The following PBRM1 variants were observed in gnomAD, a reference collection of about 807,000 sequenced individuals.
PBRM1 encodes the protein protein polybromo-1.
In PBRM1, 27 loss-of-function variants were observed where a neutral mutation model predicts 194.5. That is an observed-to-expected ratio of 0.14 (90% CI 0.10 to 0.19). The LOEUF (loss-of-function observed/expected upper bound fraction) is 0.19, where lower values mean the gene tolerates loss of function less well. Among genes scored for constraint, PBRM1 ranks in the 10% least tolerant of loss-of-function variants. The pLI, the probability that PBRM1 is intolerant of heterozygous loss-of-function variation, is 1.00. For missense variants in PBRM1, 1,466 were observed against 2,077.2 expected, an observed-to-expected ratio of 0.71 and a Z score of 5.72; for synonymous variants, 655 against 693.2, an observed-to-expected ratio of 0.94 and a Z score of 0.87.
intron 3 of PBRM1, among the ~76,000 whole-genome samples, 188 bp from the exon 5 acceptor site, chr3:52,662,464 A>C (rs1386267742): frequency 6.6e-6 from 1 of 152,214 alleles, no homozygotes; most frequent in Non-Finnish European, 1.5e-5. Context: ...AGACATTCTG[A>C]AATCAAATTA....
At chr3:52,578,884 A>G in intron 21 of PBRM1, 170 bp downstream of exon 23, 1 of 703,392 alleles carries the variant, frequency 1.4e-6, no homozygotes, top group South Asian at 1.5e-5. Flanking sequence ...AAAAGAGCCC[A>G]AAGGGATAAT....
At chr3:52,561,678 G>A in intron 25 of PBRM1, 89 bp downstream of exon 27, 2 of 1,130,496 alleles carry the variant, frequency 1.8e-6, no homozygotes, top group South Asian at 2.5e-5. Flanking sequence ...TGTGCAAGTG[G>A]TAAGAACAAG....
intron 15 of PBRM1, among the ~76,000 whole-genome samples, chr3:52,612,733 G>T (rs1464311569): frequency 6.6e-6 from 1 of 151,990 alleles, no homozygotes; most frequent in Non-Finnish European, 1.5e-5. Flanking sequence ...GTGAAGCCCT[G>T]TCTCTATTAA....
upstream of PBRM1, among the ~76,000 whole-genome samples, chr3:52,680,549 G>T (rs1025161992): frequency 6.6e-6 from 1 of 152,170 alleles, no homozygotes; most frequent in Non-Finnish European, 1.5e-5. Context: ...ACCACTGAAT[G>T]ATCTGCTACA....
chr3:52,577,835 T>C (rs555760015), intron 21 of PBRM1, among the ~76,000 whole-genome samples: 2 of 152,292 alleles, frequency 1.3e-5, no homozygotes, highest in African/African-American at 2.4e-5. Flanking sequence ...CAACAACCAA[T>C]AGGCAGAGCA....
At chr3:52,664,289 A>C (rs2096784267) in intron 3 of PBRM1, among the ~76,000 whole-genome samples, 2 of 151,830 alleles carry the variant, frequency 1.3e-5, no homozygotes, top group Admixed American at 6.6e-5. Context: ...TTTGAAAACA[A>C]TGAGCAAAGT....
chr3:52,564,858 C>T (rs1036156244), intron 22 of PBRM1, among the ~76,000 whole-genome samples: 2 of 152,042 alleles, frequency 1.3e-5, no homozygotes, highest in Admixed American at 1.3e-4. Context: ...ACTGGATTTC[C>T]ACTTCTGCAC....
At chr3:52,671,098 C>G (rs1404132557) in intron 2 of PBRM1, among the ~76,000 whole-genome samples, 1 of 152,130 alleles carries the variant, frequency 6.6e-6, no homozygotes, top group Non-Finnish European at 1.5e-5. Flanking sequence ...AATACTTGTA[C>G]CTTGACAACT....
chr3:52,608,920 A>T (rs12487591), intron 16 of PBRM1, among the ~76,000 whole-genome samples: 51,990 of 151,936 alleles, frequency 0.34, 9,900 homozygotes, highest in Admixed American at 0.46. Flanking sequence ...TAACCTCAGG[A>T]CAACACCTTA....
chr3:52,563,161 C>T (rs1452189131), intron 24 of PBRM1, 122 bp downstream of exon 26: 2 of 595,528 alleles, frequency 3.4e-6, no homozygotes, highest in Non-Finnish European at 5.8e-6. Flanking sequence ...TCTGTTCCTT[C>T]CTGCAGAATT....
intron 22 of PBRM1, among the ~76,000 whole-genome samples, chr3:52,573,065 T>C (rs555389601): frequency 1.3e-5 from 2 of 152,328 alleles, no homozygotes; most frequent in East Asian, 3.9e-4. Context: ...CTACCTGATA[T>C]TACTGGCACC....
intron 17 of PBRM1, among the ~76,000 whole-genome samples, chr3:52,595,553 T>C (rs1317243372): frequency 6.6e-6 from 1 of 152,182 alleles, no homozygotes; most frequent in Non-Finnish European, 1.5e-5. Flanking sequence ...AGGAGTTGAG[T>C]TCCTCATACA....
exon 30 of PBRM1, chr3:52,548,078 G>T (rs1348114882): frequency 6.2e-7 from 1 of 1,610,162 alleles, no homozygotes; most frequent in African/African-American, 1.3e-5. Flanking sequence ...CATTTTCTAG[G>T]TTGTATGCTT....
At chr3:52,602,580 G>A (rs1435152872) in intron 17 of PBRM1, among the ~76,000 whole-genome samples, 2 of 152,092 alleles carry the variant, frequency 1.3e-5, no homozygotes, top group African/African-American at 4.8e-5. Context: ...CTTTAACTTG[G>A]ATCGTCACCT....
intron 17 of PBRM1, among the ~76,000 whole-genome samples, chr3:52,598,303 T>C (rs2093720947): frequency 6.6e-6 from 1 of 152,230 alleles, no homozygotes; most frequent in Admixed American, 6.5e-5. Flanking sequence ...ACTTTTTCAT[T>C]ATCCCAAACA....
chr3:52,658,285 C>T lies in PBRM1; in HGVS notation c.559G>A (p.Glu187Lys), dbSNP rs542464402. 3.1e-6 allele frequency: 5 copies of T among 1,610,912 alleles called. No individual in the cohort carries two copies. The East Asian group carries it at 8.9e-5, about 29-fold the overall frequency. ...ACAACTATGGCTTCAAGAAGCTGCT[C>T]CAGGATCTCCTTCAAGTAAGCTGGA... The change falls in exon 5 of 30, where the codon GAG becomes AAG. Residue 187 changes from glutamate (E) to lysine (K), a missense_variant. This residue lies in a region of PBRM1 where 457 missense variants were observed against 591.6 expected (regional missense o/e 0.77). Coordinates refer to ENST00000296302, the Ensembl canonical transcript of PBRM1.
intron 22 of PBRM1, among the ~76,000 whole-genome samples, chr3:52,568,183 C>T (rs1005555573): frequency 3.3e-5 from 5 of 151,382 alleles, no homozygotes; most frequent in Non-Finnish European, 5.9e-5. Context: ...TTCACCATGT[C>T]GGCCAGGCTA....
chr3:52,559,322 C>T (rs925112021), intron 25 of PBRM1, among the ~76,000 whole-genome samples: 4 of 152,180 alleles, frequency 2.6e-5, no homozygotes, highest in South Asian at 2.1e-4. Flanking sequence ...TCTCCAGAGC[C>T]GGGAGCTCCA....
intron 14 of PBRM1, among the ~76,000 whole-genome samples, 193 bp downstream of exon 16, chr3:52,617,069 T>C (rs141146322): frequency 6.6e-6 from 1 of 152,330 alleles, no homozygotes; most frequent in African/African-American, 2.4e-5. Flanking sequence ...GGATGTCAGA[T>C]TACAAAGTAG....
Sources: gnomAD v4.1 joint callset for allele counts (sites outside exome capture counted in the v4.1 genomes callset) on GRCh38, gnomAD v4.1.1 for gene constraint, gnomAD v4.1.1 regional missense constraint, MANE v1.5 for transcripts, NCBI Gene and HGNC (gene_info 2026-07-23, HGNC 2026-07-21) for gene names.